SLC24A2: variants seen among roughly 807,000 people sequenced by gnomAD.
The protein encoded by SLC24A2 is solute carrier family 24 member 2.
A neutral mutation model predicts 62.0 loss-of-function variants in SLC24A2; 36 were observed. The ratio of observed to expected loss-of-function variants is 0.58; its 90% CI spans 0.44 to 0.77. SLC24A2 has a LOEUF of 0.77. Among genes scored for constraint, SLC24A2 ranks in the 30% least tolerant of loss-of-function variants. The probability of loss-of-function intolerance (pLI) is 0.00; values close to 1 mark genes in which losing one functional copy is unlikely to be tolerated. For synonymous variants in SLC24A2, 358 were observed against 294.0 expected, an observed-to-expected ratio of 1.22 and a Z score of -2.23; for missense variants, 846 against 817.9, an observed-to-expected ratio of 1.03 and a Z score of -0.42.
At chr9:19,741,714 T>G (rs1409102600) in intron 2 of SLC24A2, among the ~76,000 whole-genome samples, 1 of 152,188 alleles carries the variant, frequency 6.6e-6, no homozygotes, top group Non-Finnish European at 1.5e-5. Flanking sequence ...GAATGGGTCT[T>G]GACTGACACA....
chr9:20,213,976 A>T, the SLC24A2 span, among the ~76,000 whole-genome samples: 1 of 152,274 alleles, frequency 6.6e-6, no homozygotes, highest in African/African-American at 2.4e-5. Context: ...TTTTTCTGTG[A>T]CTGACTTATT....
intron 4 of SLC24A2, among the ~76,000 whole-genome samples, chr9:19,601,288 T>G (rs138657439): frequency 8.0e-4 from 122 of 152,286 alleles, no homozygotes; most frequent in Non-Finnish European, 1.5e-3. Flanking sequence ...AAGTAGCCAA[T>G]TGCAGGGAGG....
chr9:20,268,604 A>G, the SLC24A2 span, among the ~76,000 whole-genome samples: 2 of 152,322 alleles, frequency 1.3e-5, no homozygotes, highest in Non-Finnish European at 2.9e-5. Context: ...GAAGGCCCTC[A>G]TCAGATGCAG....
intron 9 of SLC24A2, among the ~76,000 whole-genome samples, chr9:19,524,102 C>T (rs112755870): frequency 0.011 from 1,106 of 96,694 alleles, 13 homozygotes; most frequent in African/African-American, 0.042. Context: ...ATAGAAAGAA[C>T]ATCAGCAGTC....
Position 19,512,333 on chromosome 9 carries a change from A to T in SLC24A2, c.*3820T>A, listed in dbSNP as rs189582481. The T allele has an allele frequency of 6.6e-6, 1 of 152,198 alleles. No individual in the cohort carries two copies. The highest frequency in any genetic ancestry group is 2.1e-4 in the South Asian group (1 of 4,832). 9.4% of individuals were successfully genotyped at this position (152,198 alleles called of 1,614,324 possible). A position where few individuals can be genotyped will look rare whatever the true frequency, so the allele number is the denominator to read the frequency against. ...ACACCTGTTAGAAGCCTTACAAAGC[A>T]TTTTTCCTGAATATAAAACAGTCTC... is the stretch of plus-strand genomic sequence containing the variant. On this transcript the variant is annotated 3_prime_UTR_variant, in exon 11 of 11. Coordinates refer to ENST00000341998, the MANE Select transcript of SLC24A2 (RefSeq NM_020344.4).
the SLC24A2 span, among the ~76,000 whole-genome samples, chr9:19,849,959 A>G: frequency 1.3e-5 from 2 of 152,092 alleles, no homozygotes; most frequent in Non-Finnish European, 2.9e-5. Flanking sequence ...CAGTTAGCAC[A>G]TTTCCAGCAG....
At chr9:19,642,721 C>G (rs1423555501) in intron 2 of SLC24A2, among the ~76,000 whole-genome samples, 2 of 141,970 alleles carry the variant, frequency 1.4e-5, no homozygotes, top group African/African-American at 2.7e-5. Context: ...CGCTCTTTCG[C>G]CCAGTCTGGA....
At chr9:19,827,818 T>A in the SLC24A2 span, among the ~76,000 whole-genome samples, 1 of 152,192 alleles carries the variant, frequency 6.6e-6, no homozygotes, top group Non-Finnish European at 1.5e-5. Context: ...AATGTCCTAC[T>A]GAGGGTTAAG....
the SLC24A2 span, among the ~76,000 whole-genome samples, chr9:19,930,771 T>C: frequency 2.0e-5 from 3 of 152,234 alleles, no homozygotes; most frequent in African/African-American, 7.2e-5. Context: ...TTCTCATTTG[T>C]AGCTAGGAAA....
chr9:19,590,255 C>G (rs1000401215), intron 5 of SLC24A2, among the ~76,000 whole-genome samples: 1 of 152,228 alleles, frequency 6.6e-6, no homozygotes, highest in Non-Finnish European at 1.5e-5. Flanking sequence ...CATTCATCAA[C>G]TTCCAGACCC....
At chr9:20,021,082 C>G in the SLC24A2 span, among the ~76,000 whole-genome samples, 1 of 152,132 alleles carries the variant, frequency 6.6e-6, no homozygotes, top group East Asian at 1.9e-4. Flanking sequence ...ATAAATTATA[C>G]ATGTGTACAC....
intron 2 of SLC24A2, among the ~76,000 whole-genome samples, chr9:19,757,874 G>C (rs1413399937): frequency 1.3e-5 from 2 of 152,014 alleles, no homozygotes; most frequent in Non-Finnish European, 2.9e-5. Context: ...TTACTCTTGA[G>C]AATAGATTAG....
chr9:20,070,757 G>C, the SLC24A2 span, among the ~76,000 whole-genome samples: 1 of 152,172 alleles, frequency 6.6e-6, no homozygotes, highest in African/African-American at 2.4e-5. Context: ...TTTACAAATA[G>C]ACCTTCAGAA....
the SLC24A2 span, among the ~76,000 whole-genome samples, chr9:19,874,521 T>C: frequency 2.0e-5 from 3 of 152,206 alleles, no homozygotes; most frequent in Admixed American, 2.0e-4. Context: ...GTACAGGAAA[T>C]TGGAAATTGT....
chr9:19,774,893 A>G (rs1458335036), intron 2 of SLC24A2, among the ~76,000 whole-genome samples: 2 of 152,204 alleles, frequency 1.3e-5, no homozygotes, highest in Non-Finnish European at 2.9e-5. Context: ...TGGCCAACCC[A>G]TAAGTACAAG....
the SLC24A2 span, among the ~76,000 whole-genome samples, chr9:20,261,889 G>GCCACC: frequency 2.0e-5 from 3 of 151,700 alleles, no homozygotes; most frequent in African/African-American, 7.3e-5. Context: ...ACAGGCGCCC[G>GCCACC]CCACCACGCC....
At chr9:20,293,857 T>G in the SLC24A2 span, among the ~76,000 whole-genome samples, 1 of 152,136 alleles carries the variant, frequency 6.6e-6, no homozygotes, top group East Asian at 1.9e-4. Flanking sequence ...TAGTCCTTTC[T>G]TCAGCAGAGA....
chr9:19,902,260 A>G, the SLC24A2 span, among the ~76,000 whole-genome samples: 4 of 152,176 alleles, frequency 2.6e-5, no homozygotes, highest in Non-Finnish European at 5.9e-5. Flanking sequence ...CCTCTGGCCA[A>G]GATGGTATGA....
At chr9:20,305,496 A>G in the SLC24A2 span, among the ~76,000 whole-genome samples, 1 of 152,154 alleles carries the variant, frequency 6.6e-6, no homozygotes, top group Admixed American at 6.5e-5. Context: ...TCTTTAAAAG[A>G]TGTAGGTCAG....
Sources: gnomAD v4.1 joint callset for allele counts (sites outside exome capture counted in the v4.1 genomes callset) on GRCh38, gnomAD v4.1.1 for gene constraint, MANE v1.5 for transcripts, NCBI Gene and HGNC (gene_info 2026-07-23, HGNC 2026-07-21) for gene names.